Variants in CDCP1 observed in about 807,000 individuals in gnomAD.
CDCP1 encodes CUB domain containing protein 1, also known as CUB domain-containing protein 1.
A neutral mutation model predicts 60.2 loss-of-function variants in CDCP1; 29 were observed. That is an observed-to-expected ratio of 0.48 (90% CI 0.36 to 0.66). The LOEUF (loss-of-function observed/expected upper bound fraction) is 0.66. Ranked by LOEUF, CDCP1 falls within the 30% of genes least tolerant of loss-of-function variation. The pLI is 0.00. For synonymous variants in CDCP1, 387 were observed against 431.1 expected (o/e 0.90, Z 1.27); for missense variants, 876 against 1,074.3 (o/e 0.82, Z 2.58).
chr3:45,120,456 T>C (rs887613534), intron 1 of CDCP1, among the ~76,000 whole-genome samples: 16 of 152,170 alleles, frequency 1.1e-4, no homozygotes, highest in African/African-American at 3.6e-4. Flanking sequence ...TGTTCCTTCA[T>C]TGTAAAATGA....
chr3:45,085,611 T>G lies in CDCP1; in HGVS notation c.*27A>C. 5 of 1,581,712 alleles carry G rather than the reference T, an allele frequency of 3.2e-6. No individual in the cohort carries two copies. The highest frequency in any genetic ancestry group is 4.3e-6 in the Non-Finnish European group (5 of 1,160,776). On this transcript the variant is annotated 3_prime_UTR_variant, in exon 9 of 9. Transcript: ENST00000296129. This position sits in a 1 kb window ranked among gnomAD's most constrained non-coding sequence, Gnocchi z 4.2. ...GTCTCAGTGCCCTGCTTTATGAAAC[T>G]CAGCAAAGCGTCTGGAATGGATCAA...
Position 45,124,029 on chromosome 3 carries a change from A to G in CDCP1, c.83-5408T>C, listed in dbSNP as rs556188005. Among the ~76,000 whole-genome samples the G allele has an allele frequency of 7.2e-4, 109 of 152,232 alleles. 1 individual carries two copies. The highest frequency in any genetic ancestry group is 1.4e-3 in the Non-Finnish European group (97 of 68,008). On this transcript the variant is annotated intron_variant, in intron 1 of 8. Coordinates refer to ENST00000296129, the MANE Select transcript of CDCP1 (RefSeq NM_022842.5). The stretch of plus-strand genomic sequence containing the variant: ...CTCTCCTGCCTCCTGACCTCTCCTT[A>G]TTAGGACACCTTTGTGAGCATCTGC...
chr3:45,105,261 A>G (rs564953259), intron 4 of CDCP1, among the ~76,000 whole-genome samples: 19 of 152,318 alleles, frequency 1.2e-4, no homozygotes, highest in African/African-American at 4.1e-4. Context: ...AATGGACTCA[A>G]TGGGAGTAAG....
Position 45,089,052 on chromosome 3 carries a change from A to G in CDCP1, c.2081+2T>C. 1 of 1,611,382 alleles carries G rather than the reference A, an allele frequency of 6.2e-7. No homozygotes were observed. Among genetic ancestry groups the G allele is most frequent in the Non-Finnish European group, 8.5e-7 (1 of 1,177,538 alleles). ...ATAAAGAGAGTAAGAGATTCCACCT[A>G]CTTCTTTTTCACACAGCAAATGATG... On this transcript the variant is annotated splice_donor_variant, in intron 8 of 8. Transcript: ENST00000296129. LOFTEE classifies it high-confidence loss of function.
chr3:45,088,142 C>A (rs1049422153), intron 8 of CDCP1, among the ~76,000 whole-genome samples: 13 of 152,092 alleles, frequency 8.5e-5, no homozygotes, highest in African/African-American at 2.7e-4. Context: ...TACAGTTTGG[C>A]GGCAGCACGG....
intron 8 of CDCP1, among the ~76,000 whole-genome samples, chr3:45,086,576 A>C (rs570696259): frequency 6.6e-6 from 1 of 152,338 alleles, no homozygotes; most frequent in East Asian, 1.9e-4. Flanking sequence ...CAAGAGACTC[A>C]GGAGGCCAGG....
chr3:45,138,570 C>T (rs987818240), intron 1 of CDCP1, among the ~76,000 whole-genome samples: 9 of 152,212 alleles, frequency 5.9e-5, no homozygotes, highest in Non-Finnish European at 1.2e-4. Flanking sequence ...TGGCTGGTTG[C>T]GGTGGCTCAT....
In CDCP1 at chr3:45,108,953, A is replaced by ATATATATATTTTTTTT. The variant is rs1401302861; in HGVS notation, c.1024+1519_1024+1520insAAAAAAAATATATATA. On this transcript the variant is annotated intron_variant, in intron 4 of 8. Coordinates refer to ENST00000296129, the MANE Select transcript of CDCP1 (RefSeq NM_022842.5). ...CATGTATACATATATATATATATAT[A>ATATATATATTTTTTTT]TTTTTTTTTTTTTTGAGATGGAGTC... Among the ~76,000 whole-genome samples, 58 of 41,132 alleles carry ATATATATATTTTTTTT rather than the reference A, an allele frequency of 1.4e-3. 18 individuals carry two copies. Among genetic ancestry groups the ATATATATATTTTTTTT allele is most frequent in the African/African-American group, 5.1e-3 (53 of 10,372 alleles). 27.0% of individuals were successfully genotyped at this position (41,132 alleles called of 152,430 possible).
chr3:45,135,030 A>C (rs1699169939), intron 1 of CDCP1, among the ~76,000 whole-genome samples: 1 of 152,220 alleles, frequency 6.6e-6, no homozygotes, highest in South Asian at 2.1e-4. Context: ...TGGATGTGGA[A>C]GGTGTTAAGT....
intron 1 of CDCP1, among the ~76,000 whole-genome samples, chr3:45,126,529 C>G (rs1337397636): frequency 6.6e-6 from 1 of 152,120 alleles, no homozygotes; most frequent in East Asian, 1.9e-4. Flanking sequence ...GTGTCATTGA[C>G]TTGGCCGGGT....
intron 1 of CDCP1, among the ~76,000 whole-genome samples, chr3:45,127,923 G>C (rs982308039): frequency 8.5e-5 from 13 of 152,220 alleles, no homozygotes; most frequent in African/African-American, 1.2e-4. Context: ...TCAGGCTACT[G>C]TTGCAGGTCT....
chr3:45,089,490 CG>C (rs1698256556), intron 7 of CDCP1, among the ~76,000 whole-genome samples: 1 of 152,054 alleles, frequency 6.6e-6, no homozygotes, highest in Non-Finnish European at 1.5e-5. Context: ...GAGATTCCAC[CG>C]GGGAAAAAAA....
intron 4 of CDCP1, among the ~76,000 whole-genome samples, chr3:45,108,532 T>C (rs1025758601): frequency 6.6e-6 from 1 of 151,892 alleles, no homozygotes; most frequent in Admixed American, 6.6e-5. Context: ...CATTCCACCA[T>C]GACTGAGGTG....
In CDCP1 at chr3:45,085,993, G is replaced by A. The variant is rs1698185877; in HGVS notation, c.2156C>T (p.Pro719Leu). The A allele has an allele frequency of 6.8e-6, 11 of 1,614,012 alleles. No individual in the cohort carries two copies. The highest frequency in any genetic ancestry group is 6.8e-6 in the Non-Finnish European group (8 of 1,180,038). ...CTTTCGCCCTTTCTGAAACTTTTTT[G>A]GCTGCCTCGGCATCTCAGTATTGAT... ...DNINTEMPRQ[P>L]KKFQKGRKDN... Residue 719 changes from proline (P) to leucine (L), a missense_variant, in exon 9 of 9, where the codon CCA (proline) becomes CTA (leucine). Pro to Leu is a moderately conservative substitution (Grantham distance 98, BLOSUM62 -3). Transcript: ENST00000296129. This position sits in a 1 kb window ranked among gnomAD's most constrained non-coding sequence, Gnocchi z 4.2.
At chr3:45,121,325 A>C (rs1235242293) in intron 1 of CDCP1, among the ~76,000 whole-genome samples, 4 of 152,210 alleles carry the variant, frequency 2.6e-5, no homozygotes, top group Non-Finnish European at 5.9e-5. Context: ...ATGTCAGATT[A>C]AAAATGAATC....
chr3:45,113,183 T>G (rs1027458076), intron 2 of CDCP1, among the ~76,000 whole-genome samples: 2 of 152,196 alleles, frequency 1.3e-5, no homozygotes, highest in African/African-American at 4.8e-5. Flanking sequence ...CATCAACACA[T>G]TCATCAACAT....
At chr3:45,137,832 C>T (rs951268278) in intron 1 of CDCP1, among the ~76,000 whole-genome samples, 3 of 151,534 alleles carry the variant, frequency 2.0e-5, no homozygotes, top group South Asian at 4.2e-4. Flanking sequence ...TTCTATGTTC[C>T]GTGAAGATAA....
intron 1 of CDCP1, among the ~76,000 whole-genome samples, chr3:45,129,213 G>A (rs1699048429): frequency 1.3e-5 from 2 of 152,168 alleles, no homozygotes; most frequent in South Asian, 4.1e-4. Flanking sequence ...CCCTGTCTGG[G>A]TCACAGTCTA....
At chr3:45,141,911 A>T (rs2126010737) in intron 1 of CDCP1, among the ~76,000 whole-genome samples, 1 of 152,148 alleles carries the variant, frequency 6.6e-6, no homozygotes, top group East Asian at 1.9e-4. Flanking sequence ...GGCTTACTCC[A>T]ACCTCTGCCC....
Sources: gnomAD v4.1 joint callset for allele counts (sites outside exome capture counted in the v4.1 genomes callset) on GRCh38, gnomAD v4.1.1 for gene constraint, Gnocchi (gnomAD v3.1) non-coding constraint, MANE v1.5 for transcripts, NCBI Gene and HGNC (gene_info 2026-07-23, HGNC 2026-07-21) for gene names.